The following SPATA16 variants were observed in gnomAD, a reference collection of about 807,000 sequenced individuals.
SPATA16 encodes the protein spermatogenesis-associated protein 16.
In SPATA16, 36 loss-of-function variants were observed where a neutral mutation model predicts 63.3. The observed-to-expected ratio is 0.57, with a 90% confidence interval of 0.44 to 0.75. The LOEUF is 0.75. Among genes scored for constraint, SPATA16 ranks in the 30% least tolerant of loss-of-function variants. The pLI, the probability that SPATA16 is intolerant of heterozygous loss-of-function variation, is 0.00. For synonymous variants in SPATA16, 203 were observed against 216.7 expected (o/e 0.94, Z 0.56); for missense variants, 646 against 679.3 (o/e 0.95, Z 0.54).
intron 1 of SPATA16, among the ~76,000 whole-genome samples, chr3:173,135,999 C>G (rs964663735): frequency 6.6e-6 from 1 of 152,200 alleles, no homozygotes; most frequent in South Asian, 2.1e-4. Context: ...CTGAGTTTTC[C>G]TAAGGCAAGT....
chr3:172,947,873 C>T (rs1461805606), intron 6 of SPATA16, among the ~76,000 whole-genome samples: 1 of 151,964 alleles, frequency 6.6e-6, no homozygotes, highest in African/African-American at 2.4e-5. Flanking sequence ...TGCAGCAAAC[C>T]ACCATGGCAC....
chr3:172,917,571 A>G (rs1011087501), intron 8 of SPATA16, among the ~76,000 whole-genome samples: 2 of 152,298 alleles, frequency 1.3e-5, no homozygotes, highest in East Asian at 1.9e-4. Context: ...CCCAATCACA[A>G]TCTCTTGTTA....
intron 4 of SPATA16, among the ~76,000 whole-genome samples, chr3:173,009,883 C>T (rs913087857): frequency 2.0e-5 from 3 of 152,348 alleles, no homozygotes; most frequent in Middle Eastern, 3.4e-3. Flanking sequence ...GCCTCAGTTA[C>T]GGAATTTCTT....
intron 3 of SPATA16, among the ~76,000 whole-genome samples, chr3:173,033,995 G>A (rs774282071): frequency 6.6e-6 from 1 of 152,090 alleles, no homozygotes; most frequent in Non-Finnish European, 1.5e-5. Context: ...GTGAGCTGCC[G>A]CGCCTGGCTG....
intron 2 of SPATA16, among the ~76,000 whole-genome samples, chr3:173,074,697 G>A (rs1056047030): frequency 6.6e-6 from 1 of 151,966 alleles, no homozygotes; most frequent in Non-Finnish European, 1.5e-5. Flanking sequence ...GGCAACCATA[G>A]ACACTGGGGA....
chr3:172,925,757 A>G (rs1319117843), intron 6 of SPATA16, among the ~76,000 whole-genome samples: 1 of 152,210 alleles, frequency 6.6e-6, no homozygotes, highest in Non-Finnish European at 1.5e-5. Context: ...CCTCGTCTTC[A>G]GAATAATAGA....
At chr3:173,002,616 C>A (rs1734851154) in intron 4 of SPATA16, among the ~76,000 whole-genome samples, 1 of 152,162 alleles carries the variant, frequency 6.6e-6, no homozygotes, top group Non-Finnish European at 1.5e-5. Flanking sequence ...AAAGAATAGA[C>A]ATGGCATTCC....
chr3:172,975,237 C>G lies in SPATA16; in HGVS notation c.933+1731G>C, dbSNP rs190560231. Among the ~76,000 whole-genome samples the G allele has an allele frequency of 2.1e-3, 325 of 152,240 alleles. 3 individuals carry two copies. Among genetic ancestry groups the G allele is most frequent in the Middle Eastern group, 6.8e-3 (2 of 294 alleles). On this transcript the variant is annotated intron_variant, in intron 5 of 10. Coordinates refer to ENST00000351008, the MANE Select transcript of SPATA16 (RefSeq NM_031955.6). ...GAGTTATCATGCTTGTGAACCACAACATGGTCAGACAAAATTTTTATTTAC... is the reference window on the plus strand; with the variant it reads ...GAGTTATCATGCTTGTGAACCACAAGATGGTCAGACAAAATTTTTATTTAC...
intron 1 of SPATA16, among the ~76,000 whole-genome samples, chr3:173,136,143 C>T (rs149960079): frequency 4.6e-5 from 7 of 152,184 alleles, no homozygotes; most frequent in African/African-American, 1.7e-4. Context: ...GGTAAAACCA[C>T]ACAAAACAAA....
chr3:173,066,603 C>A (rs1225699365), intron 2 of SPATA16, among the ~76,000 whole-genome samples: 1 of 152,334 alleles, frequency 6.6e-6, no homozygotes, highest in East Asian at 1.9e-4. Context: ...GGGCTTAGGG[C>A]ACTACCTAGT....
chr3:172,950,517 T>C (rs1733405490), intron 6 of SPATA16, among the ~76,000 whole-genome samples: 1 of 152,204 alleles, frequency 6.6e-6, no homozygotes, highest in Non-Finnish European at 1.5e-5. Flanking sequence ...TCTATAACTT[T>C]TTCTATTCAA....
chr3:172,963,728 A>G (rs926606828), intron 5 of SPATA16, among the ~76,000 whole-genome samples: 3 of 152,086 alleles, frequency 2.0e-5, no homozygotes, highest in African/African-American at 7.2e-5. Flanking sequence ...GTCCTTCAAG[A>G]TAGAACTGAG....
chr3:173,094,269 C>T (rs988237652), intron 2 of SPATA16, among the ~76,000 whole-genome samples: 1 of 152,062 alleles, frequency 6.6e-6, no homozygotes, highest in Admixed American at 6.6e-5. Context: ...CAAGGGTCAC[C>T]GTCCCACTAT....
chr3:172,889,795 C>T, intron 10 of SPATA16, 103 bp from the exon 11 acceptor site: 1 of 1,490,286 alleles, frequency 6.7e-7, no homozygotes, highest in Non-Finnish European at 9.1e-7. Context: ...ACATACAAAT[C>T]CATGTTGGAA....
intron 2 of SPATA16, among the ~76,000 whole-genome samples, chr3:173,102,770 A>G (rs752270802): frequency 2.6e-5 from 4 of 152,196 alleles, no homozygotes; most frequent in Non-Finnish European, 5.9e-5. Context: ...AAGAAACATA[A>G]TAATGTCTTC....
intron 2 of SPATA16, among the ~76,000 whole-genome samples, chr3:173,100,999 G>T (rs905167824): frequency 2.0e-5 from 3 of 152,090 alleles, no homozygotes; most frequent in Non-Finnish European, 2.9e-5. Flanking sequence ...AACCTCACAG[G>T]TTTTCTATTA....
At chr3:173,099,639 C>G (rs1330341792) in intron 2 of SPATA16, among the ~76,000 whole-genome samples, 1 of 152,010 alleles carries the variant, frequency 6.6e-6, no homozygotes, top group Non-Finnish European at 1.5e-5. Flanking sequence ...TTTTCTACCT[C>G]GAATTTTGAA....
intron 4 of SPATA16, among the ~76,000 whole-genome samples, chr3:172,981,062 C>T (rs988959024): frequency 8.5e-5 from 13 of 152,210 alleles, no homozygotes; most frequent in African/African-American, 3.1e-4. Flanking sequence ...TATACATTCT[C>T]AGGCGCAAGT....
rs1219693968 is a variant in SPATA16, at chr3:173,118,432, A to G, written c.-18-683T>C. On this transcript the variant is annotated intron_variant, in intron 1 of 10. Coordinates refer to ENST00000351008, the MANE Select transcript of SPATA16 (RefSeq NM_031955.6). ...TAATGGTATCAACAATGTACACTGT[A>G]TAAAGATGAGGTATTTTTCTAAACA... Among the ~76,000 whole-genome samples, 4 of 152,368 alleles carry G rather than the reference A, an allele frequency of 2.6e-5. No individual in the cohort carries two copies. The South Asian group carries it at 8.3e-4, about 32-fold the overall frequency.
Sources: allele counts gnomAD v4.1 joint callset (sites outside exome capture counted in the v4.1 genomes callset), GRCh38; gene constraint gnomAD v4.1.1; transcripts MANE v1.5; gene names NCBI Gene and HGNC (gene_info 2026-07-23, HGNC 2026-07-21).